Variants in ANKIB1 observed in about 807,000 individuals in gnomAD.
ANKIB1 encodes the protein ankyrin repeat and IBR domain containing 1, also known as ankyrin repeat and IBR domain-containing protein 1.
In ANKIB1, 43 loss-of-function variants were observed where a neutral mutation model predicts 122.1. The ratio of observed to expected loss-of-function variants is 0.35; its 90% confidence interval spans 0.28 to 0.45. The LOEUF (loss-of-function observed/expected upper bound fraction) is 0.45. Among genes scored for constraint, ANKIB1 ranks in the 20% least tolerant of loss-of-function variants. The probability of loss-of-function intolerance (pLI) is 1.00; values close to 1 mark genes in which losing one functional copy is unlikely to be tolerated. For synonymous variants in ANKIB1, 390 were observed against 442.0 expected (o/e 0.88, Z 1.48); for missense variants, 992 against 1,329.5 (o/e 0.75, Z 3.95).
intron 1 of ANKIB1, among the ~76,000 whole-genome samples, chr7:92,269,788 G>A (rs1801744928): frequency 6.6e-6 from 1 of 151,414 alleles, no homozygotes; most frequent in South Asian, 2.1e-4. Context: ...TACAGTTTCT[G>A]GTCTTTTTTT....
chr7:92,376,798 G>A (rs1437610666), intron 11 of ANKIB1, among the ~76,000 whole-genome samples: 1 of 152,010 alleles, frequency 6.6e-6, no homozygotes, highest in East Asian at 1.9e-4. Flanking sequence ...TAAACCTCAT[G>A]AACCAATGTT....
chr7:92,380,224 G>T (rs1401418601), intron 11 of ANKIB1, among the ~76,000 whole-genome samples: 1 of 152,186 alleles, frequency 6.6e-6, no homozygotes, highest in Non-Finnish European at 1.5e-5. Flanking sequence ...AAACAAAACG[G>T]CTGGGAAGCT....
intron 9 of ANKIB1, among the ~76,000 whole-genome samples, chr7:92,355,322 A>G (rs1232407069): frequency 6.6e-6 from 1 of 152,110 alleles, no homozygotes; most frequent in Admixed American, 6.6e-5. Flanking sequence ...GAACTGACAC[A>G]AAGTGTCTCT....
At chr7:92,392,665 T>A (rs931925955) in intron 17 of ANKIB1, among the ~76,000 whole-genome samples, 2 of 152,104 alleles carry the variant, frequency 1.3e-5, no homozygotes, top group African/African-American at 4.8e-5. Context: ...ATCCATTTTT[T>A]AAGGTTAATG....
chr7:92,352,913 C>T (rs543572204), intron 9 of ANKIB1, among the ~76,000 whole-genome samples: 236 of 152,288 alleles, frequency 1.5e-3, no homozygotes, highest in African/African-American at 5.3e-3. Flanking sequence ...TAAACAAACT[C>T]AGGCACAGAG....
intron 1 of ANKIB1, among the ~76,000 whole-genome samples, chr7:92,290,592 T>C (rs1335563862): frequency 6.6e-6 from 1 of 152,208 alleles, no homozygotes; most frequent in Non-Finnish European, 1.5e-5. Context: ...TATACTTTTA[T>C]ATGGTTACTA....
rs1331048425 is a variant in ANKIB1, at chr7:92,319,321, C to G, written c.487-9C>G. The stretch of plus-strand genomic sequence containing the variant: ...GTAGTTGCAAGTTTTTGAAAAAAAA[C>G]TTTTTTAGCTTTTAGTAAAACATGG... On this transcript the variant is annotated splice_polypyrimidine_tract_variant and intron_variant, in intron 3 of 19. Transcript: ENST00000265742. The G allele has an allele frequency of 4.5e-6, 7 of 1,542,056 alleles. No individual in the cohort carries two copies. The highest frequency in any genetic ancestry group is 6.1e-6 in the Non-Finnish European group (7 of 1,147,214).
At chr7:92,323,349 TGTA>T (rs1802953954) in intron 4 of ANKIB1, among the ~76,000 whole-genome samples, 3 of 152,332 alleles carry the variant, frequency 2.0e-5, no homozygotes, top group African/African-American at 7.2e-5. Context: ...CTGATTATCG[TGTA>T]AATTGACTGT....
At chr7:92,309,080 TC>T (rs1283980564) in intron 3 of ANKIB1, among the ~76,000 whole-genome samples, 1 of 152,196 alleles carries the variant, frequency 6.6e-6, no homozygotes, top group Non-Finnish European at 1.5e-5. Context: ...AAGTGTCAAT[TC>T]TTTGATTTCT....
intron 14 of ANKIB1, 125 bp from the exon 15 acceptor site, chr7:92,389,846 T>G (rs1280125110): frequency 1.2e-5 from 12 of 992,224 alleles, no homozygotes; most frequent in Non-Finnish European, 1.6e-5. Flanking sequence ...ATACAGTTAC[T>G]TAAAACAGTT....
chr7:92,381,666 A>G (rs1012062176), intron 11 of ANKIB1, among the ~76,000 whole-genome samples: 1 of 152,212 alleles, frequency 6.6e-6, no homozygotes, highest in Non-Finnish European at 1.5e-5. Context: ...AGGAGAAATG[A>G]AATCCTTTAC....
chr7:92,370,071 A>G (rs770007751), intron 10 of ANKIB1, among the ~76,000 whole-genome samples: 44 of 152,316 alleles, frequency 2.9e-4, no homozygotes, highest in Non-Finnish European at 1.9e-4. Context: ...GCCATATCAT[A>G]ATAGGCTTTA....
At chr7:92,281,698 A>G (rs1037400813) in intron 1 of ANKIB1, among the ~76,000 whole-genome samples, 5 of 152,230 alleles carry the variant, frequency 3.3e-5, no homozygotes, top group African/African-American at 9.6e-5. Context: ...AACAGTACCT[A>G]ATGGTGGAGG....
At chr7:92,287,424 A>T (rs1802153181) in intron 1 of ANKIB1, among the ~76,000 whole-genome samples, 1 of 152,144 alleles carries the variant, frequency 6.6e-6, no homozygotes, top group Non-Finnish European at 1.5e-5. Flanking sequence ...AGTTTCTGTG[A>T]TATTTTCTCA....
intron 12 of ANKIB1, among the ~76,000 whole-genome samples, chr7:92,387,270 A>G (rs73414066): frequency 0.15 from 22,608 of 152,026 alleles, 2,088 homozygotes; most frequent in East Asian, 0.38. Context: ...AGTCACATAG[A>G]GGGTAGGGCT....
intron 11 of ANKIB1, among the ~76,000 whole-genome samples, chr7:92,381,858 A>G (rs2115677971): frequency 6.6e-6 from 1 of 152,306 alleles, no homozygotes; most frequent in East Asian, 1.9e-4. Context: ...ACCAGCTAAC[A>G]TCATAATGAC....
At chr7:92,396,089 C>G (rs1284734207) in intron 17 of ANKIB1, 1 of 388,736 alleles carries the variant, frequency 2.6e-6, no homozygotes, top group African/African-American at 2.1e-5. Flanking sequence ...TTGAAATCAT[C>G]AGGCATATAA....
intron 2 of ANKIB1, among the ~76,000 whole-genome samples, chr7:92,296,057 A>G (rs1585093631): frequency 6.6e-6 from 1 of 152,318 alleles, no homozygotes; most frequent in Admixed American, 6.5e-5. Context: ...CTTAACGTTC[A>G]GCCTTTTTCC....
chr7:92,310,846 G>C (rs1256583710), intron 3 of ANKIB1, among the ~76,000 whole-genome samples: 1 of 152,128 alleles, frequency 6.6e-6, no homozygotes, highest in African/African-American at 2.4e-5. Context: ...ACCTGCTGTT[G>C]GTTGAATCCA....
Sources: gnomAD v4.1 joint callset for allele counts (sites outside exome capture counted in the v4.1 genomes callset) on GRCh38, gnomAD v4.1.1 for gene constraint, MANE v1.5 for transcripts, NCBI Gene and HGNC (gene_info 2026-07-23, HGNC 2026-07-21) for gene names.